PIP4K2B: variants seen among roughly 807,000 people sequenced by gnomAD.
PIP4K2B encodes the protein phosphatidylinositol 5-phosphate 4-kinase type-2 beta.
In PIP4K2B, 3 loss-of-function variants were observed where a neutral mutation model predicts 42.0. That is an observed-to-expected ratio of 0.07 (90% CI 0.03 to 0.18). The LOEUF (loss-of-function observed/expected upper bound fraction) is 0.18. PIP4K2B is among the 10% of genes least tolerant of loss of function. The pLI is 1.00. For missense variants in PIP4K2B, 332 were observed against 562.3 expected, an observed-to-expected ratio of 0.59 and a Z score of 4.14; for synonymous variants, 204 against 210.1, an observed-to-expected ratio of 0.97 and a Z score of 0.25.
chr17:38,786,747 C>G, intron 2 of PIP4K2B, 76 bp downstream of exon 2: 1 of 916,492 alleles, frequency 1.1e-6, no homozygotes, highest in Non-Finnish European at 1.8e-6. Flanking sequence ...TCCCACCATG[C>G]ATGAGGCTTC....
chr17:38,783,832 C>T (rs1567658729), intron 3 of PIP4K2B, among the ~76,000 whole-genome samples: 1 of 152,190 alleles, frequency 6.6e-6, no homozygotes, highest in East Asian at 1.9e-4. Flanking sequence ...AACTCCTGAC[C>T]TCAGGTGACC....
At chr17:38,788,270 A>G (rs867893548) in intron 1 of PIP4K2B, among the ~76,000 whole-genome samples, 1 of 151,850 alleles carries the variant, frequency 6.6e-6, no homozygotes. Context: ...GTGCGATCTC[A>G]GCTCACTGCA....
At chr17:38,781,929 C>T (rs1029002847) in intron 3 of PIP4K2B, among the ~76,000 whole-genome samples, 6 of 152,108 alleles carry the variant, frequency 3.9e-5, no homozygotes, top group Admixed American at 2.6e-4. Context: ...CCTCTCGCCT[C>T]GGCCTCCTGA....
intron 2 of PIP4K2B, 95 bp from the exon 3 acceptor site, chr17:38,784,434 C>T: frequency 1.4e-6 from 1 of 706,776 alleles, no homozygotes; most frequent in East Asian, 2.8e-5. Flanking sequence ...CAGAGTCTTG[C>T]TATGTTGCCC....
intron 1 of PIP4K2B, among the ~76,000 whole-genome samples, chr17:38,794,380 C>T (rs545798615): frequency 1.4e-4 from 21 of 151,592 alleles, no homozygotes; most frequent in South Asian, 1.0e-3. Context: ...GAGATGAATA[C>T]GCTCTACAGA....
At chr17:38,780,310 T>C (rs1443044740) in intron 4 of PIP4K2B, 142 bp downstream of exon 4, 16 of 606,298 alleles carry the variant, frequency 2.6e-5, no homozygotes, top group East Asian at 5.8e-5. Flanking sequence ...GAAATACGGT[T>C]GCAGGAGAGT....
rs1909484505 is a variant in PIP4K2B, at chr17:38,778,330, A to G, written c.693+4T>C. The G allele has an allele frequency of 6.2e-7, 1 of 1,613,868 alleles. No homozygotes were observed. The highest frequency in any genetic ancestry group is 1.3e-5 in the African/African-American group (1 of 74,920). ...CCTTCCATTCCTGCTCAGCACCAGC[A>G]TACCTTCTCCTTGTCGCTCGCTTCT... is the stretch of plus-strand genomic sequence containing the variant. On this transcript the variant is annotated splice_donor_region_variant and intron_variant, in intron 6 of 9. Transcript: ENST00000619039.
intron 2 of PIP4K2B, 22 bp from the exon 3 acceptor site, chr17:38,784,361 T>G: frequency 7.2e-7 from 1 of 1,396,782 alleles, no homozygotes; most frequent in Non-Finnish European, 1.0e-6. Context: ...CAGAGATATG[T>G]CTTTGTGAAC....
At chr17:38,780,935 C>T (rs1037750906) in intron 3 of PIP4K2B, among the ~76,000 whole-genome samples, 1 of 152,140 alleles carries the variant, frequency 6.6e-6, no homozygotes, top group Non-Finnish European at 1.5e-5. Flanking sequence ...TGAGTCTAAT[C>T]TGGACTCTCA....
chr17:38,769,858 C>T, intron 9 of PIP4K2B, 87 bp from the exon 10 acceptor site: 1 of 1,241,362 alleles, frequency 8.1e-7, no homozygotes, highest in Non-Finnish European at 1.2e-6. Context: ...TATTCAGAAG[C>T]CTCTTACTCA....
intron 2 of PIP4K2B, among the ~76,000 whole-genome samples, chr17:38,785,113 C>T (rs1054218840): frequency 2.1e-4 from 32 of 152,298 alleles, no homozygotes; most frequent in African/African-American, 6.3e-4. Context: ...CTGCTGGCTG[C>T]TGGCACCAAT....
chr17:38,793,709 A>G lies in PIP4K2B; in HGVS notation c.159+5557T>C, dbSNP rs1245999628. 3.9e-5 allele frequency among the ~76,000 whole-genome samples: 6 copies of G among 152,136 alleles called. No homozygotes were observed. In the South Asian group the frequency reaches 1.0e-3, roughly 26 times the overall value. ...AACATGGCAAAACCCCGACTCTTCAAAAAATACAAGTGTTAGTCGGGTGTG... is the reference window on the plus strand; with the variant it reads ...AACATGGCAAAACCCCGACTCTTCAGAAAATACAAGTGTTAGTCGGGTGTG... On this transcript the variant is annotated intron_variant, in intron 1 of 9. Coordinates refer to ENST00000619039, the MANE Select transcript of PIP4K2B (RefSeq NM_003559.5).
chr17:38,771,961 T>A (rs1308239848), intron 7 of PIP4K2B, among the ~76,000 whole-genome samples: 1 of 152,038 alleles, frequency 6.6e-6, no homozygotes, highest in Non-Finnish European at 1.5e-5. Context: ...GCCCAGGAAT[T>A]TGAGGCTGCA....
In PIP4K2B at chr17:38,768,466, C is replaced by T. The variant is rs1257767151; in HGVS notation, c.*1225G>A. 2.6e-5 allele frequency: 4 copies of T among 152,852 alleles called. No homozygotes were observed. Among genetic ancestry groups the T allele is most frequent in the African/African-American group, 7.2e-5 (3 of 41,468 alleles). 9.5% of individuals were successfully genotyped at this position (152,852 alleles called of 1,614,324 possible). ...CACATCAAGCCTCCAAACTGGATTT[C>T]CTGGATCACATCCTCATGTAACTAG... On this transcript the variant is annotated 3_prime_UTR_variant, in exon 10 of 10. Coordinates refer to ENST00000619039, the MANE Select transcript of PIP4K2B (RefSeq NM_003559.5).
Position 38,765,957 on chromosome 17 carries a change from T to C in PIP4K2B, c.*3734A>G, listed in dbSNP as rs1202053371. 1.3e-5 allele frequency: 2 copies of C among 152,716 alleles called. No homozygotes were observed. Among genetic ancestry groups the C allele is most frequent in the African/African-American group, 2.4e-5 (1 of 41,468 alleles). The allele number at this position is 152,716 out of a possible 1,614,324, so 9.5% of individuals were successfully genotyped here. On this transcript the variant is annotated 3_prime_UTR_variant, in exon 10 of 10. Transcript: ENST00000619039. The stretch of plus-strand genomic sequence containing the variant: ...TTTTAATTTCAATGATCTGACCTGA[T>C]GCTGGGATGTGCCGAGCAGTACTGC...
intron 1 of PIP4K2B, among the ~76,000 whole-genome samples, chr17:38,796,932 C>T (rs1910686721): frequency 6.6e-6 from 1 of 152,104 alleles, no homozygotes; most frequent in Non-Finnish European, 1.5e-5. Context: ...ATCCCTTAGA[C>T]GAGTGCAAGA....
intron 7 of PIP4K2B, among the ~76,000 whole-genome samples, chr17:38,771,546 CAAAAAA>C (rs58817119): frequency 1.0e-4 from 4 of 39,774 alleles, no homozygotes; most frequent in Admixed American, 3.4e-4. Context: ...GAGATGGTCT[CAAAAAA>C]AAAAAAAAAA....
intron 7 of PIP4K2B, among the ~76,000 whole-genome samples, chr17:38,777,048 C>G (rs1909395692): frequency 6.6e-6 from 1 of 152,146 alleles, no homozygotes; most frequent in South Asian, 2.1e-4. Context: ...AAGAGTAAGC[C>G]ACCATGCTTA....
At chr17:38,797,455 C>A (rs991412961) in intron 1 of PIP4K2B, among the ~76,000 whole-genome samples, 6 of 152,106 alleles carry the variant, frequency 3.9e-5, no homozygotes, top group African/African-American at 1.4e-4. Context: ...AAACAGGAGG[C>A]AAAGAAAACA....
Sources: gnomAD v4.1 joint callset for allele counts (sites outside exome capture counted in the v4.1 genomes callset) on GRCh38, gnomAD v4.1.1 for gene constraint, MANE v1.5 for transcripts, NCBI Gene and HGNC (gene_info 2026-07-23, HGNC 2026-07-21) for gene names.